Variants in ARHGEF2 observed in about 807,000 individuals in gnomAD.
ARHGEF2 encodes rho guanine nucleotide exchange factor 2.
ARHGEF2 carries 22 observed loss-of-function variants against 121.0 expected under a neutral mutation model. That is an observed-to-expected ratio of 0.18 (90% CI 0.13 to 0.26). ARHGEF2 has a LOEUF of 0.26. ARHGEF2 is among the 10% of genes least tolerant of loss of function. The pLI is 1.00. For synonymous variants in ARHGEF2, 487 were observed against 530.0 expected, an observed-to-expected ratio of 0.92 and a Z score of 1.11; for missense variants, 907 against 1,336.0, an observed-to-expected ratio of 0.68 and a Z score of 5.01.
intron 13 of ARHGEF2, 139 bp downstream of exon 13, chr1:155,957,574 G>T: frequency 1.0e-6 from 1 of 963,286 alleles, no homozygotes. Context: ...TTCCAGTCTT[G>T]GGCCATTTTG....
At position 155,965,403 on chromosome 1, in the gene ARHGEF2, A is replaced by G. The variant is rs745631145; in HGVS notation, c.480T>C (p.Asn160=). Reference sequence around the variant, plus strand: ...GGCGCAGCCCCAGGGGAGACTCATCATTGAAATGTCTGAAGAAAGTGGAGG... The same window carrying G: ...GGCGCAGCCCCAGGGGAGACTCATCGTTGAAATGTCTGAAGAAAGTGGAGG... The part of the protein sequence containing the change: ...VSTTNIAGHF[N]DESPLGLRRI... The change falls in exon 6 of 22, where the codon AAT becomes AAC. Residue 160 remains asparagine, a synonymous_variant. Transcript: ENST00000361247. The surrounding 1 kb of genome is among the most constrained non-coding windows in gnomAD (Gnocchi z 6.0). 1.2e-6 allele frequency: 2 copies of G among 1,614,096 alleles called. No individual in the cohort carries two copies. Among genetic ancestry groups the G allele is most frequent in the South Asian group, 1.1e-5 (1 of 91,088 alleles).
chr1:155,970,836 C>G (rs555457960), intron 1 of ARHGEF2: 3 of 986,366 alleles, frequency 3.0e-6, no homozygotes, highest in East Asian at 1.1e-4. Context: ...TTTCCTGCCT[C>G]TCTTCCCAAG....
At chr1:155,975,380 C>T (rs544318452) in intron 1 of ARHGEF2, among the ~76,000 whole-genome samples, 1 of 152,130 alleles carries the variant, frequency 6.6e-6, no homozygotes, top group Non-Finnish European at 1.5e-5. Flanking sequence ...CTCCTCTGGT[C>T]GGCCTCAGTA....
chr1:155,958,243 C>G (rs2275072), intron 12 of ARHGEF2, 77 bp downstream of exon 12: 3 of 1,218,886 alleles, frequency 2.5e-6, no homozygotes, highest in African/African-American at 1.5e-5. Flanking sequence ...CCAGAGCTCT[C>G]GTGGGCTTGG....
rs765054411 is a variant in ARHGEF2 at position 155,961,376 on chromosome 1, G to A, written c.1468+285C>T. Among the ~76,000 whole-genome samples the A allele has an allele frequency of 4.6e-5, 7 of 150,914 alleles. No homozygotes were observed. The highest frequency in any genetic ancestry group is 2.1e-4 in the South Asian group (1 of 4,806). ...TGCAAGCTCCGCCTCCTGGGTTCAC[G>A]CCATTCTCCTGCCTCAGCCTCCTGA... On this transcript the variant is annotated intron_variant, in intron 11 of 21. Transcript: ENST00000361247. This position sits in a 1 kb window ranked among gnomAD's most constrained non-coding sequence, Gnocchi z 4.7.
rs1420201177 is a variant in ARHGEF2 at position 155,978,455 on chromosome 1, C to G, written c.-28G>C. 1 of 1,450,058 alleles carries G rather than the reference C, an allele frequency of 6.9e-7. No homozygotes were observed. The highest frequency in any genetic ancestry group is 9.2e-7 in the Non-Finnish European group (1 of 1,084,064). 89.8% of individuals were successfully genotyped at this position (1,450,058 alleles called of 1,614,324 possible). On this transcript the variant is annotated 5_prime_UTR_variant, in exon 1 of 22. Transcript: ENST00000361247. The surrounding 1 kb of genome is among the most constrained non-coding windows in gnomAD (Gnocchi z 4.1). ...TCGGACGGGGGGACCAGGGAGGACG[C>G]GGCGCGGACCCCGGCGTCCTGTATT...
chr1:155,974,854 G>A (rs945906373), intron 1 of ARHGEF2, among the ~76,000 whole-genome samples: 10 of 151,632 alleles, frequency 6.6e-5, no homozygotes, highest in African/African-American at 2.4e-4. Context: ...AGAAAGAGAG[G>A]GGGGGTAAGC....
At chr1:155,966,281 C>T in intron 4 of ARHGEF2, 135 bp downstream of exon 4, 1 of 840,386 alleles carries the variant, frequency 1.2e-6, no homozygotes, top group Non-Finnish European at 1.9e-6. Flanking sequence ...CCCTTAGGCC[C>T]CCACTATCTG....
In ARHGEF2 at chr1:155,947,952, G is replaced by A; in HGVS notation, c.2951C>T (p.Ser984Phe). ...GGGGGAGGGGCCCCCTTAGCTCTCGGAGGCTACAGCCTCCCCGTCGCGGCT... is the reference window on the plus strand; with the variant it reads ...GGGGGAGGGGCCCCCTTAGCTCTCGAAGGCTACAGCCTCCCCGTCGCGGCT... The part of the protein sequence containing the change: ...TESRDGEAVA[S>F]ES Residue 984 changes from serine (S) to phenylalanine (F), a missense_variant, in exon 22 of 22, where the codon TCC becomes TTC. By Grantham distance (155) the Ser-to-Phe change is radical. Around this residue, in one of 2 missense-constraint regions of ARHGEF2, gnomAD observed 432 missense variants for 559.5 expected, o/e 0.77. Transcript: ENST00000361247. The A allele has an allele frequency of 6.4e-7, 1 of 1,550,716 alleles. No homozygotes were observed. Among genetic ancestry groups the A allele is most frequent in the South Asian group, 1.2e-5 (1 of 83,988 alleles).
rs1679264874 is a variant in ARHGEF2, at chr1:155,965,841, G to A, written c.341-81C>T. 1 of 1,475,048 alleles carries A rather than the reference G, an allele frequency of 6.8e-7. No individual in the cohort carries two copies. Among genetic ancestry groups the A allele is most frequent in the African/African-American group, 1.4e-5 (1 of 70,762 alleles). The allele number at this position is 1,475,048 out of a possible 1,614,324, so 91.4% of individuals were successfully genotyped here. On this transcript the variant is annotated intron_variant, in intron 4 of 21. Coordinates refer to ENST00000361247, the MANE Select transcript of ARHGEF2 (RefSeq NM_001162383.2). The surrounding 1 kb of genome is among the most constrained non-coding windows in gnomAD (Gnocchi z 6.0). ...TGAGGCCTCCTAGGCTCCTCAATGA[G>A]GAATGAGGCATCCTCTCACTCCACC...
In ARHGEF2 at chr1:155,965,799, C is replaced by T. The variant is rs892627175; in HGVS notation, c.341-39G>A. Reference sequence around the variant, plus strand: ...ATGCCCAGCAGGCAAACATCAGACTCTGGTGCTTCCCAGGATTGAGGCCTC... The same window carrying T: ...ATGCCCAGCAGGCAAACATCAGACTTTGGTGCTTCCCAGGATTGAGGCCTC... On this transcript the variant is annotated intron_variant, in intron 4 of 21. Coordinates refer to ENST00000361247, the MANE Select transcript of ARHGEF2 (RefSeq NM_001162383.2). This position sits in a 1 kb window ranked among gnomAD's most constrained non-coding sequence, Gnocchi z 6.0. 6.4e-7 allele frequency: 1 copy of T among 1,564,124 alleles called. No homozygotes were observed. The highest frequency in any genetic ancestry group is 8.6e-7 in the Non-Finnish European group (1 of 1,165,186).
upstream of ARHGEF2, chr1:155,978,764 T>A (rs977265916): frequency 2.4e-6 from 2 of 848,974 alleles, no homozygotes; most frequent in African/African-American, 1.8e-5. This position sits in a 1 kb window ranked among gnomAD's most constrained non-coding sequence, Gnocchi z 4.1. Flanking sequence ...GGGGGCGCCC[T>A]CTAGCCCCAG....
chr1:155,966,319 T>A lies in ARHGEF2; in HGVS notation c.340+97A>T, dbSNP rs984903170. On this transcript the variant is annotated intron_variant, in intron 4 of 21. Coordinates refer to ENST00000361247, the MANE Select transcript of ARHGEF2 (RefSeq NM_001162383.2). ...TCCAATCAAGAAGAGGAAGGTGCTA[T>A]GCCTGGGAACAACCTTAGTGGGGCA... The A allele has an allele frequency of 4.9e-6, 6 of 1,221,454 alleles. No individual in the cohort carries two copies. In the African/African-American group the frequency reaches 8.9e-5, roughly 18 times the overall value. The allele number at this position is 1,221,454 out of a possible 1,614,324, so 75.7% of individuals were successfully genotyped here. A position where few individuals can be genotyped will look rare whatever the true frequency, so the allele number is the denominator to read the frequency against.
chr1:155,948,636 A>G (rs561323671), intron 21 of ARHGEF2, among the ~76,000 whole-genome samples: 19 of 152,068 alleles, frequency 1.2e-4, no homozygotes, highest in Non-Finnish European at 2.6e-4. Context: ...CTCAAAAAAA[A>G]CAAAACAAAA....
chr1:155,978,702 G>A (rs1681803594), upstream of ARHGEF2: 4 of 914,488 alleles, frequency 4.4e-6, no homozygotes, highest in Non-Finnish European at 5.7e-6. The surrounding 1 kb of genome is among the most constrained non-coding windows in gnomAD (Gnocchi z 4.1). Flanking sequence ...GAGGTACGAG[G>A]GTCCTAGGAC....
intron 1 of ARHGEF2, chr1:155,972,414 T>C: frequency 9.6e-6 from 4 of 418,806 alleles, no homozygotes; most frequent in Non-Finnish European, 9.9e-6. Context: ...GGCTCAGGCT[T>C]CTGAGGATGG....
At position 155,962,149 on chromosome 1, in the gene ARHGEF2, G is replaced by C. The variant is rs1391500228; in HGVS notation, c.1175C>G (p.Thr392Ser). Residue 392 changes from threonine (T) to serine (S), a missense_variant, in exon 10 of 22, where the codon ACC becomes AGC. Thr to Ser is a moderately conservative substitution (Grantham distance 58). Transcript: ENST00000361247. This position sits in a 1 kb window ranked among gnomAD's most constrained non-coding sequence, Gnocchi z 5.8. ...GCGGCTGATGAGTAACGGGTACTTGGTGATGCGCTGAGTCACCAGCAGGAT... is the reference window on the plus strand; with the variant it reads ...GCGGCTGATGAGTAACGGGTACTTGCTGATGCGCTGAGTCACCAGCAGGAT... ...ECILLVTQRI[T>S]KYPLLISRIL... 1 of 1,614,208 alleles carries C rather than the reference G, an allele frequency of 6.2e-7. No individual in the cohort carries two copies. The highest frequency in any genetic ancestry group is 1.7e-5 in the Admixed American group (1 of 60,028).
Position 155,950,555 on chromosome 1 carries a change from G to GA in ARHGEF2, c.2704-74dup. On this transcript the variant is annotated intron_variant, in intron 20 of 21. Coordinates refer to ENST00000361247, the MANE Select transcript of ARHGEF2 (RefSeq NM_001162383.2). The surrounding 1 kb of genome is among the most constrained non-coding windows in gnomAD (Gnocchi z 5.2). ...TGAAGATTGGAGGTTCTGCTTGGCT[G>GA]AAGGCAGCAGCTCTCCCCCCTGGGG... 1 of 1,495,260 alleles carries GA rather than the reference G, an allele frequency of 6.7e-7. No individual in the cohort carries two copies. Among genetic ancestry groups the GA allele is most frequent in the South Asian group, 1.2e-5 (1 of 85,874 alleles). The allele number at this position is 1,495,260 out of a possible 1,614,324, so 92.6% of individuals were successfully genotyped here. A position where few individuals can be genotyped will look rare whatever the true frequency, so the allele number is the denominator to read the frequency against.
At position 155,962,743 on chromosome 1, in the gene ARHGEF2, G is replaced by A; in HGVS notation, c.976-25C>T. 1 of 1,613,802 alleles carries A rather than the reference G, an allele frequency of 6.2e-7. No homozygotes were observed. Among genetic ancestry groups the A allele is most frequent in the South Asian group, 1.1e-5 (1 of 91,036 alleles). On this transcript the variant is annotated intron_variant, in intron 8 of 21. Transcript: ENST00000361247. This position sits in a 1 kb window ranked among gnomAD's most constrained non-coding sequence, Gnocchi z 5.8. ...ACTAGAAGTTGGTCGAGTAAGGTTAGGTCAGCATTCCCCCAAAGCCACACT... is the reference window on the plus strand; with the variant it reads ...ACTAGAAGTTGGTCGAGTAAGGTTAAGTCAGCATTCCCCCAAAGCCACACT...
Sources: gnomAD v4.1 joint callset for allele counts (sites outside exome capture counted in the v4.1 genomes callset) on GRCh38, gnomAD v4.1.1 for gene constraint, gnomAD v4.1.1 regional missense constraint, Gnocchi (gnomAD v3.1) non-coding constraint, MANE v1.5 for transcripts, NCBI Gene and HGNC (gene_info 2026-07-23, HGNC 2026-07-21) for gene names.